The following DNAH10 variants were observed in gnomAD, a reference collection of about 807,000 sequenced individuals.
DNAH10 encodes dynein axonemal heavy chain 10.
A neutral mutation model predicts 506.6 loss-of-function variants in DNAH10; 348 were observed. The observed-to-expected ratio is 0.69, with a 90% CI of 0.63 to 0.75. DNAH10 has a LOEUF of 0.75. Among genes scored for constraint, DNAH10 ranks in the 30% least tolerant of loss-of-function variants. The pLI is 0.00. For missense variants in DNAH10, 5,179 were observed against 5,787.1 expected, an observed-to-expected ratio of 0.89 and a Z score of 3.41; for synonymous variants, 2,059 against 2,198.6, an observed-to-expected ratio of 0.94 and a Z score of 1.78.
At chr12:123,899,564 C>G (rs1953423205) in intron 56 of DNAH10, among the ~76,000 whole-genome samples, 1 of 152,212 alleles carries the variant, frequency 6.6e-6, no homozygotes, top group Non-Finnish European at 1.5e-5. Flanking sequence ...GCAACAGCAC[C>G]TTAACTTGGT....
chr12:123,887,113 C>T lies in DNAH10; in HGVS notation c.8824-29C>T, dbSNP rs369358538. On this transcript the variant is annotated intron_variant, in intron 51 of 78. Coordinates refer to ENST00000673944, the MANE Select transcript of DNAH10 (RefSeq NM_001372106.1). ...AGGGAAGGGAGGCTGGTGGTGGTGA[C>T]GCCCATGTGCTCTGTGTCTGCATCG... 3.8e-4 allele frequency: 596 copies of T among 1,569,590 alleles called. 1 individual carries two copies. Among genetic ancestry groups the T allele is most frequent in the Admixed American group, 6.1e-4 (33 of 54,010 alleles).
rs1408923396 is a variant in DNAH10 at position 123,924,244 on chromosome 12, C to T, written c.11612-34C>T. The T allele has an allele frequency of 3.2e-6, 5 of 1,581,908 alleles. No homozygotes were observed. The East Asian group carries it at 9.0e-5, about 29-fold the overall frequency. On this transcript the variant is annotated intron_variant, in intron 66 of 78. Transcript: ENST00000673944. ...AGTTGCTTGCTTTGTGTTAGTGGTA[C>T]AATGGCTGCTTGCTTCTCTTCTGTT...
chr12:123,879,414 C>G, intron 49 of DNAH10, 57 bp downstream of exon 49: 1 of 1,538,064 alleles, frequency 6.5e-7, no homozygotes, highest in South Asian at 1.2e-5. Flanking sequence ...TAAACAAGCG[C>G]CAAAAGTGTT....
intron 62 of DNAH10, 85 bp downstream of exon 62, chr12:123,915,084 C>T: frequency 6.9e-7 from 1 of 1,455,934 alleles, no homozygotes; most frequent in Non-Finnish European, 9.1e-7. Flanking sequence ...ACGTGGCAGT[C>T]CCTAGCCTCA....
Position 123,902,816 on chromosome 12 carries a change from A to G in DNAH10, c.9641-123A>G. The G allele has an allele frequency of 7.9e-7, 1 of 1,268,812 alleles. No homozygotes were observed. Among genetic ancestry groups the G allele is most frequent in the Non-Finnish European group, 1.1e-6 (1 of 940,948 alleles). 78.6% of individuals were successfully genotyped at this position (1,268,812 alleles called of 1,614,324 possible). A position where few individuals can be genotyped will look rare whatever the true frequency, so the allele number is the denominator to read the frequency against. The stretch of plus-strand genomic sequence containing the variant: ...TCACTGAGGCTGCCACATTGGCCAG[A>G]GCCCCTTAGATCCCCGCTAGGGCTC... On this transcript the variant is annotated intron_variant, in intron 56 of 78. Transcript: ENST00000673944. The surrounding 1 kb of genome is among the most constrained non-coding windows in gnomAD (Gnocchi z 4.5).
chr12:123,917,468 G>A lies in DNAH10; in HGVS notation c.11003-116G>A, dbSNP rs1954531952. The A allele has an allele frequency of 3.6e-5, 37 of 1,034,976 alleles. No homozygotes were observed. The highest frequency in any genetic ancestry group is 6.3e-4 in the Middle Eastern group (2 of 3,196). 64.1% of individuals were successfully genotyped at this position (1,034,976 alleles called of 1,614,324 possible). ...TGACTTTGGTGGGCAGTGAATCCTC[G>A]TGCCTCTGGCCTGCTGGCTGAGACC... On this transcript the variant is annotated intron_variant, in intron 63 of 78. Coordinates refer to ENST00000673944, the MANE Select transcript of DNAH10 (RefSeq NM_001372106.1). The surrounding 1 kb of genome is among the most constrained non-coding windows in gnomAD (Gnocchi z 5.6).
chr12:123,765,596 C>CT (rs1183881437), intron 1 of DNAH10, among the ~76,000 whole-genome samples: 1 of 150,940 alleles, frequency 6.6e-6, no homozygotes, highest in Non-Finnish European at 1.5e-5. Context: ...ATCTATCTAT[C>CT]TATACATACC....
intron 21 of DNAH10, among the ~76,000 whole-genome samples, chr12:123,814,586 G>C (rs1460359341): frequency 6.9e-6 from 1 of 144,652 alleles, no homozygotes; most frequent in Non-Finnish European, 1.5e-5. Context: ...TCTCTAGTTT[G>C]TATTTCTCCC....
intron 24 of DNAH10, among the ~76,000 whole-genome samples, chr12:123,821,047 C>T (rs1194133209): frequency 1.3e-4 from 20 of 152,082 alleles, no homozygotes; most frequent in African/African-American, 4.6e-4. Flanking sequence ...GTCAGGAGTT[C>T]GAGGTCAGTC....
At chr12:123,830,753 G>A in intron 26 of DNAH10, 54 bp downstream of exon 26, 22 of 1,458,096 alleles carry the variant, frequency 1.5e-5, no homozygotes, top group South Asian at 5.8e-5. Flanking sequence ...TTAATTCAAA[G>A]AGAAAATAGG....
chr12:123,770,817 T>G (rs1253170039), intron 2 of DNAH10, among the ~76,000 whole-genome samples: 1 of 152,100 alleles, frequency 6.6e-6, no homozygotes, highest in Non-Finnish European at 1.5e-5. Flanking sequence ...TTCTGAGGGC[T>G]CAGACTTGGT....
chr12:123,871,674 A>G (rs1001197223), intron 45 of DNAH10, 72 bp downstream of exon 45: 1 of 1,486,638 alleles, frequency 6.7e-7, no homozygotes, highest in South Asian at 1.2e-5. Flanking sequence ...GCTTCATACC[A>G]CAAGCACTGT....
Position 123,787,776 on chromosome 12 carries a change from C to CCCATCACGGCATCTCTTGG in DNAH10, c.1422-26_1422-8dup. 1 of 1,605,392 alleles carries CCCATCACGGCATCTCTTGG rather than the reference C, an allele frequency of 6.2e-7. No individual in the cohort carries two copies. The highest frequency in any genetic ancestry group is 8.5e-7 in the Non-Finnish European group (1 of 1,176,468). On this transcript the variant is annotated intron_variant, in intron 9 of 78. Transcript: ENST00000673944. This position sits in a 1 kb window ranked among gnomAD's most constrained non-coding sequence, Gnocchi z 4.6. Reference sequence around the variant, plus strand: ...CTCGGACCCGGAGCTCCGCCCTCCTCCCATCACGGCATCTCTTGGCTTCGC... The same window carrying CCCATCACGGCATCTCTTGG: ...CTCGGACCCGGAGCTCCGCCCTCCTCCCATCACGGCATCTCTTGGCCATCACGGCATCTCTTGGCTTCGC...
chr12:123,791,272 G>A (rs1374602905), intron 11 of DNAH10, among the ~76,000 whole-genome samples: 1 of 152,232 alleles, frequency 6.6e-6, no homozygotes, highest in Non-Finnish European at 1.5e-5. Flanking sequence ...AGCCTGAGGT[G>A]CGGGGAGGCA....
At chr12:123,834,500 G>C (rs961573358) in intron 27 of DNAH10, among the ~76,000 whole-genome samples, 13 of 152,128 alleles carry the variant, frequency 8.5e-5, no homozygotes, top group Non-Finnish European at 1.6e-4. Flanking sequence ...GAGCCACTGT[G>C]TTCAGTCAAA....
chr12:123,819,289 T>C, intron 23 of DNAH10, 39 bp downstream of exon 23: 1 of 1,488,620 alleles, frequency 6.7e-7, no homozygotes, highest in East Asian at 2.3e-5. Context: ...GCGATCTGAG[T>C]AGCAAATGTT....
chr12:123,896,150 G>T (rs7314172), intron 54 of DNAH10, among the ~76,000 whole-genome samples: 13,189 of 70,840 alleles, frequency 0.19, 922 homozygotes, highest in South Asian at 0.29. Context: ...CACACACACA[G>T]AGAGAGAGAG....
At chr12:123,808,775 C>G (rs1311229127) in intron 18 of DNAH10, 22 bp from the exon 19 acceptor site, 10 of 1,612,902 alleles carry the variant, frequency 6.2e-6, no homozygotes, top group Non-Finnish European at 8.5e-6. Context: ...CACTCTGAGT[C>G]TTTCTCATCA....
At chr12:123,803,892 G>GTA in intron 17 of DNAH10, 67 bp downstream of exon 17, 3 of 1,392,982 alleles carry the variant, frequency 2.2e-6, no homozygotes, top group Non-Finnish European at 3.0e-6. Flanking sequence ...ATACATACAT[G>GTA]TGTATATATG....
Sources: allele counts gnomAD v4.1 joint callset (sites outside exome capture counted in the v4.1 genomes callset), GRCh38; gene constraint gnomAD v4.1.1; non-coding constraint Gnocchi (gnomAD v3.1); transcripts MANE v1.5; gene names NCBI Gene and HGNC (gene_info 2026-07-23, HGNC 2026-07-21).